Variants in HIC1 observed in about 807,000 individuals in gnomAD.
HIC1 encodes the protein HIC ZBTB transcriptional repressor 1.
Under a neutral mutation model 26.4 loss-of-function variants are expected in HIC1, and 9 were observed. The observed-to-expected ratio is 0.34, with a 90% CI of 0.21 to 0.59. HIC1 has a LOEUF of 0.59. Ranked by LOEUF, HIC1 falls within the 20% of genes least tolerant of loss-of-function variation. The pLI is 0.82. For synonymous variants in HIC1, 631 were observed against 523.1 expected (o/e 1.21, Z -2.81); for missense variants, 965 against 1,075.7 (o/e 0.90, Z 1.44).
At position 2,061,625 on chromosome 17, in the gene HIC1, G is replaced by A. The variant is rs1226893358; in HGVS notation, c.*2790G>A. On this transcript the variant is annotated 3_prime_UTR_variant, in exon 2 of 2. Coordinates refer to ENST00000619757, the MANE Select transcript of HIC1 (RefSeq NM_006497.4). ...CCGCAGTAGCCGGATTGGCTCCTCTGTGGGCATGAGAGAGCAGAAGGCTGT... is the reference window on the plus strand; with the variant it reads ...CCGCAGTAGCCGGATTGGCTCCTCTATGGGCATGAGAGAGCAGAAGGCTGT... 1.0e-5 allele frequency: 16 copies of A among 1,569,060 alleles called. No homozygotes were observed. Among genetic ancestry groups the A allele is most frequent in the Non-Finnish European group, 1.3e-5 (15 of 1,157,006 alleles).
intron 1 of HIC1, 37 bp from the exon 2 acceptor site, chr17:2,056,634 C>G: frequency 6.7e-7 from 1 of 1,485,562 alleles, no homozygotes; most frequent in Non-Finnish European, 9.0e-7. Context: ...GCCAGGGCGC[C>G]GCACGGCTCT....
rs2067691212 is a variant in HIC1, at chr17:2,058,039, GGGCCGAGGC to G, written c.1356_1364del (p.Ala453_Glu455del). 6.3e-7 allele frequency: 1 copy of G among 1,588,098 alleles called. No individual in the cohort carries two copies. Among genetic ancestry groups the G allele is most frequent in the Non-Finnish European group, 8.6e-7 (1 of 1,168,646 alleles). On this transcript the variant is annotated inframe_deletion, in exon 2 of 2. Coordinates refer to ENST00000619757, the MANE Select transcript of HIC1 (RefSeq NM_006497.4). ...GAGGAGGAGGAAGCGCTGTACGGCA[GGGCCGAGGC>G]GGCCGAAGTGGCCGCTGGGGCCGCC... is the stretch of plus-strand genomic sequence containing the variant.
chr17:2,056,581 G>A, intron 1 of HIC1, 90 bp from the exon 2 acceptor site: 1 of 1,449,726 alleles, frequency 6.9e-7, no homozygotes, highest in Non-Finnish European at 9.1e-7. Context: ...TCAGCTGAGG[G>A]AAGGGGAAGT....
Position 2,062,537 on chromosome 17 carries a change from C to T in HIC1, c.*3702C>T, listed in dbSNP as rs1050209564. 6.6e-6 allele frequency: 1 copy of T among 151,150 alleles called. No individual in the cohort carries two copies. The highest frequency in any genetic ancestry group is 1.5e-5 in the Non-Finnish European group (1 of 67,936). 9.4% of individuals were successfully genotyped at this position (151,150 alleles called of 1,614,324 possible). On this transcript the variant is annotated 3_prime_UTR_variant, in exon 2 of 2. Transcript: ENST00000619757. ...TTTAAGCACAGTCTCTCCACTACCT[C>T]TCTTTCCCTAACTCCCTAATCTTTA...
rs768643096 is a variant in HIC1 at position 2,058,611 on chromosome 17, C to T, written c.1921C>T (p.Leu641=). The change falls in exon 2 of 2, where the codon CTG becomes TTG. Residue 641 remains leucine, a synonymous_variant. Coordinates refer to ENST00000619757, the MANE Select transcript of HIC1 (RefSeq NM_006497.4). ...FAVARLTAEQ[L]SLKQQDKAAA... ...TGTGGCTCGCCTCACGGCCGAGCAGCTGAGCCTGAAGCAGCAGGACAAGGC... is the reference window on the plus strand; with the variant it reads ...TGTGGCTCGCCTCACGGCCGAGCAGTTGAGCCTGAAGCAGCAGGACAAGGC... 2 of 1,557,872 alleles carry T rather than the reference C, an allele frequency of 1.3e-6. No individual in the cohort carries two copies. The highest frequency in any genetic ancestry group is 1.2e-5 in the South Asian group (1 of 84,796).
At position 2,061,784 on chromosome 17, in the gene HIC1, G is replaced by A; in HGVS notation, c.*2949G>A. 1.2e-6 allele frequency: 1 copy of A among 804,792 alleles called. No homozygotes were observed. Among genetic ancestry groups the A allele is most frequent in the Non-Finnish European group, 1.9e-6 (1 of 514,048 alleles). The allele number at this position is 804,792 out of a possible 1,614,324, so 49.9% of individuals were successfully genotyped here. On this transcript the variant is annotated 3_prime_UTR_variant, in exon 2 of 2. Transcript: ENST00000619757. The stretch of plus-strand genomic sequence containing the variant: ...CCTCCGTCCGGGCTCTCAGCCCCGG[G>A]GACCCTCCCCTGCTGGCCTAGAGAG...
chr17:2,057,845 T>C lies in HIC1; in HGVS notation c.1155T>C (p.Gly385=). 1 of 1,583,804 alleles carries C rather than the reference T, an allele frequency of 6.3e-7. No individual in the cohort carries two copies. The highest frequency in any genetic ancestry group is 1.1e-5 in the South Asian group (1 of 87,718). Residue 385 remains glycine, a synonymous_variant, in exon 2 of 2, where the codon GGT becomes GGC. Coordinates refer to ENST00000619757, the MANE Select transcript of HIC1 (RefSeq NM_006497.4). The part of the protein sequence containing the change: ...DDYKSSSEET[G]SSEDPSPPGG... ...ACAAGAGCAGCAGCGAGGAGACCGGTAGCAGCGAGGACCCCAGCCCGCCTG... is the reference window on the plus strand; with the variant it reads ...ACAAGAGCAGCAGCGAGGAGACCGGCAGCAGCGAGGACCCCAGCCCGCCTG...
chr17:2,061,800 GCCT>G lies in HIC1; in HGVS notation c.*2966_*2968del. The G allele has an allele frequency of 1.5e-6, 1 of 658,560 alleles. No individual in the cohort carries two copies. Among genetic ancestry groups the G allele is most frequent in the Non-Finnish European group, 2.6e-6 (1 of 388,760 alleles). The allele number at this position is 658,560 out of a possible 1,614,324, so 40.8% of individuals were successfully genotyped here. ...CAGCCCCGGGGACCCTCCCCTGCTG[GCCT>G]AGAGAGGGCTGCACTGGGCTTCTGC... On this transcript the variant is annotated 3_prime_UTR_variant, in exon 2 of 2. Coordinates refer to ENST00000619757, the MANE Select transcript of HIC1 (RefSeq NM_006497.4).
rs1228291261 is a variant in HIC1, at chr17:2,055,809, T to G, written c.-21+571T>G. Among the ~76,000 whole-genome samples the G allele has an allele frequency of 3.3e-5, 5 of 151,462 alleles. No homozygotes were observed. Among genetic ancestry groups the G allele is most frequent in the Non-Finnish European group, 7.4e-5 (5 of 67,792 alleles). ...CCCGCCCTGTCTGCAGTTGGAAAAC[T>G]TTTCCCCAAGTTTGGGGCGGCGGAG... On this transcript the variant is annotated intron_variant, in intron 1 of 1. Coordinates refer to ENST00000619757, the MANE Select transcript of HIC1 (RefSeq NM_006497.4). This position sits in a 1 kb window ranked among gnomAD's most constrained non-coding sequence, Gnocchi z 6.4.
intron 1 of HIC1, 92 bp from the exon 2 acceptor site, chr17:2,056,579 G>A: frequency 6.9e-7 from 1 of 1,447,704 alleles, no homozygotes; most frequent in Non-Finnish European, 9.1e-7. Flanking sequence ...GCTCAGCTGA[G>A]GGAAGGGGAA....
Position 2,061,794 on chromosome 17 carries a change from C to G in HIC1, c.*2959C>G, listed in dbSNP as rs2067789071. The G allele has an allele frequency of 1.4e-6, 1 of 690,126 alleles. No individual in the cohort carries two copies. The allele number at this position is 690,126 out of a possible 1,614,324, so 42.8% of individuals were successfully genotyped here. On this transcript the variant is annotated 3_prime_UTR_variant, in exon 2 of 2. Transcript: ENST00000619757. Reference sequence around the variant, plus strand: ...GGCTCTCAGCCCCGGGGACCCTCCCCTGCTGGCCTAGAGAGGGCTGCACTG... The same window carrying G: ...GGCTCTCAGCCCCGGGGACCCTCCCGTGCTGGCCTAGAGAGGGCTGCACTG...
At position 2,059,970 on chromosome 17, in the gene HIC1, G is replaced by A. The variant is rs1208461716; in HGVS notation, c.*1135G>A. 4 of 152,458 alleles carry A rather than the reference G, an allele frequency of 2.6e-5. No individual in the cohort carries two copies. The highest frequency in any genetic ancestry group is 2.1e-4 in the South Asian group (1 of 4,828). 9.4% of individuals were successfully genotyped at this position (152,458 alleles called of 1,614,324 possible). A position where few individuals can be genotyped will look rare whatever the true frequency, so the allele number is the denominator to read the frequency against. ...TCCAGCTGGGGAGAGAATCTTAAAGGAGAGGCCGGGGACCCTGTACTCCAA... is the reference window on the plus strand; with the variant it reads ...TCCAGCTGGGGAGAGAATCTTAAAGAAGAGGCCGGGGACCCTGTACTCCAA... On this transcript the variant is annotated 3_prime_UTR_variant, in exon 2 of 2. Transcript: ENST00000619757.
chr17:2,057,309 G>A lies in HIC1; in HGVS notation c.619G>A (p.Ala207Thr). ...AELYASGPGP[A>T]AALCASERRC... Reference sequence around the variant, plus strand: ...GCTGTACGCGTCGGGACCCGGCCCGGCCGCCGCACTCTGTGCCTCGGAGCG... The same window carrying A: ...GCTGTACGCGTCGGGACCCGGCCCGACCGCCGCACTCTGTGCCTCGGAGCG... The change falls in exon 2 of 2, where the codon GCC becomes ACC. Residue 207 changes from alanine to threonine, a missense_variant. Physicochemically the swap from Ala to Thr is moderately conservative, Grantham distance 58. This residue lies in a region of HIC1 where 526 missense variants were observed against 525.0 expected (regional missense o/e 1.00). Transcript: ENST00000619757. The A allele has an allele frequency of 6.7e-7, 1 of 1,499,024 alleles. No individual in the cohort carries two copies. Among genetic ancestry groups the A allele is most frequent in the Non-Finnish European group, 8.8e-7 (1 of 1,132,740 alleles). The allele number at this position is 1,499,024 out of a possible 1,614,324, so 92.9% of individuals were successfully genotyped here.
chr17:2,061,783 G>T lies in HIC1; in HGVS notation c.*2948G>T, dbSNP rs1204309185. 12 of 817,912 alleles carry T rather than the reference G, an allele frequency of 1.5e-5. 1 individual carries two copies. The highest frequency in any genetic ancestry group is 3.5e-4 in the Middle Eastern group (1 of 2,844). 50.7% of individuals were successfully genotyped at this position (817,912 alleles called of 1,614,324 possible). A position where few individuals can be genotyped will look rare whatever the true frequency, so the allele number is the denominator to read the frequency against. ...TCCTCCGTCCGGGCTCTCAGCCCCG[G>T]GGACCCTCCCCTGCTGGCCTAGAGA... On this transcript the variant is annotated 3_prime_UTR_variant, in exon 2 of 2. Coordinates refer to ENST00000619757, the MANE Select transcript of HIC1 (RefSeq NM_006497.4).
At position 2,057,645 on chromosome 17, in the gene HIC1, C is replaced by G. The variant is rs373870177; in HGVS notation, c.955C>G (p.Leu319Val). The change falls in exon 2 of 2, where the codon CTG becomes GTG. Residue 319 changes from leucine to valine, a missense_variant. This residue lies in a region of HIC1 where 526 missense variants were observed against 525.0 expected (regional missense o/e 1.00). Transcript: ENST00000619757. ...TCGCTGGATGAAGCACGAGCCGGGC[C>G]TGGGTAGCTATGGCGACGAGCTGGG... Reference protein sequence around the residue: ...LYRWMKHEPGLGSYGDELGRE... With the variant: ...LYRWMKHEPGVGSYGDELGRE... The G allele has an allele frequency of 1.3e-3, 1,941 of 1,516,498 alleles. 3 individuals carry two copies. Among genetic ancestry groups the G allele is most frequent in the Non-Finnish European group, 1.6e-3 (1,812 of 1,139,904 alleles). The allele number at this position is 1,516,498 out of a possible 1,614,324, so 93.9% of individuals were successfully genotyped here.
Position 2,061,639 on chromosome 17 carries a change from G to A in HIC1, c.*2804G>A. ...TTGGCTCCTCTGTGGGCATGAGAGAGCAGAAGGCTGTCACTGAGGACAGGA... is the reference window on the plus strand; with the variant it reads ...TTGGCTCCTCTGTGGGCATGAGAGAACAGAAGGCTGTCACTGAGGACAGGA... On this transcript the variant is annotated 3_prime_UTR_variant, in exon 2 of 2. Coordinates refer to ENST00000619757, the MANE Select transcript of HIC1 (RefSeq NM_006497.4). 6.4e-7 allele frequency: 1 copy of A among 1,564,632 alleles called. No homozygotes were observed. The highest frequency in any genetic ancestry group is 8.7e-7 in the Non-Finnish European group (1 of 1,154,594).
At chr17:2,056,177 G>T (rs925383543) in intron 1 of HIC1, 18 of 764,642 alleles carry the variant, frequency 2.4e-5, no homozygotes, top group Non-Finnish European at 3.8e-5. Flanking sequence ...CCCCGGCCAG[G>T]GCGGCGCCAG....
chr17:2,057,430 C>A lies in HIC1; in HGVS notation c.740C>A (p.Pro247Gln). The A allele has an allele frequency of 6.9e-7, 1 of 1,441,928 alleles. No homozygotes were observed. The highest frequency in any genetic ancestry group is 3.1e-5 in the East Asian group (1 of 32,328). The allele number at this position is 1,441,928 out of a possible 1,614,324, so 89.3% of individuals were successfully genotyped here. ...ERPLAERELP[P>Q]RPDSPPSAGP... ...CCGCTGGCTGAGCGCGAGCTGCCCC[C>A]GCGCCCGGACAGCCCTCCCAGCGCC... Residue 247 changes from proline to glutamine, a missense_variant, in exon 2 of 2, where the codon CCG becomes CAG. By Grantham distance (76) the Pro-to-Gln change is moderately conservative. This residue lies in a region of HIC1 where 526 missense variants were observed against 525.0 expected (regional missense o/e 1.00). Coordinates refer to ENST00000619757, the MANE Select transcript of HIC1 (RefSeq NM_006497.4).
Position 2,059,034 on chromosome 17 carries a change from G to C in HIC1, c.*199G>C, listed in dbSNP as rs2067706569. 1 of 500,312 alleles carries C rather than the reference G, an allele frequency of 2.0e-6. No homozygotes were observed. Among genetic ancestry groups the C allele is most frequent in the Non-Finnish European group, 3.5e-6 (1 of 284,366 alleles). The allele number at this position is 500,312 out of a possible 1,614,324, so 31.0% of individuals were successfully genotyped here. A position where few individuals can be genotyped will look rare whatever the true frequency, so the allele number is the denominator to read the frequency against. On this transcript the variant is annotated 3_prime_UTR_variant, in exon 2 of 2. Transcript: ENST00000619757. ...GGGGGTCGGGGGAGAACCCCGGGAC[G>C]GGGGTGGGATGGGGTAAGGGAAATT...
Sources: allele counts gnomAD v4.1 joint callset (sites outside exome capture counted in the v4.1 genomes callset), GRCh38; gene constraint gnomAD v4.1.1; regional missense constraint gnomAD v4.1.1; non-coding constraint Gnocchi (gnomAD v3.1); transcripts MANE v1.5; gene names NCBI Gene and HGNC (gene_info 2026-07-23, HGNC 2026-07-21).